Variants in SV2C observed in about 807,000 individuals in gnomAD.
SV2C encodes the protein solute carrier family 22 member B3.
In SV2C, 49 loss-of-function variants were observed where a neutral mutation model predicts 79.7. The ratio of observed to expected loss-of-function variants is 0.61; its 90% CI spans 0.49 to 0.78. SV2C has a LOEUF of 0.78. Among genes scored for constraint, SV2C ranks in the 30% least tolerant of loss-of-function variants. The pLI is 0.00. For synonymous variants in SV2C, 334 were observed against 333.2 expected (o/e 1.00, Z -0.03); for missense variants, 833 against 912.9 (o/e 0.91, Z 1.13).
chr5:76,162,382 G>T (rs1012051765), intron 2 of SV2C, among the ~76,000 whole-genome samples: 1 of 152,116 alleles, frequency 6.6e-6, no homozygotes, highest in African/African-American at 2.4e-5. Flanking sequence ...TAATTGTCAC[G>T]GCACCCACAG....
At chr5:75,998,819 C>T in the SV2C span, among the ~76,000 whole-genome samples, 2 of 152,070 alleles carry the variant, frequency 1.3e-5, no homozygotes, top group African/African-American at 4.8e-5. Flanking sequence ...TTTGTCTTTC[C>T]TTCTATCTCT....
At chr5:76,251,601 A>T (rs1387933505) in intron 4 of SV2C, among the ~76,000 whole-genome samples, 1 of 152,078 alleles carries the variant, frequency 6.6e-6, no homozygotes, top group Admixed American at 6.5e-5. Flanking sequence ...GCCAGGTCTC[A>T]CCCCACCATT....
chr5:75,877,029 A>G, the SV2C span, among the ~76,000 whole-genome samples: 1 of 152,228 alleles, frequency 6.6e-6, no homozygotes, highest in African/African-American at 2.4e-5. Flanking sequence ...AACATGATCC[A>G]ACTCTATGCT....
the SV2C span, among the ~76,000 whole-genome samples, chr5:76,023,684 G>A: frequency 3.4e-5 from 5 of 148,852 alleles, no homozygotes; most frequent in South Asian, 4.3e-4. Context: ...ATGTGTGTGT[G>A]TATATATATA....
In SV2C at chr5:76,232,662, G is replaced by T. The variant is rs970147707; in HGVS notation, c.913+22775G>T. 1.3e-3 allele frequency among the ~76,000 whole-genome samples: 198 copies of T among 147,332 alleles called. 2 individuals carry two copies. Among genetic ancestry groups the T allele is most frequent in the African/African-American group, 5.1e-3 (190 of 37,186 alleles). On this transcript the variant is annotated intron_variant, in intron 4 of 12. Coordinates refer to ENST00000502798, the MANE Select transcript of SV2C (RefSeq NM_014979.4). Reference sequence around the variant, plus strand: ...AGTTTCAGCTTTCTACATATGGCTAGCCAGTTTTCCCAGCACCATTTATTA... The same window carrying T: ...AGTTTCAGCTTTCTACATATGGCTATCCAGTTTTCCCAGCACCATTTATTA...
intron 1 of SV2C, among the ~76,000 whole-genome samples, chr5:76,111,961 A>G (rs1748110570): frequency 6.6e-6 from 1 of 152,190 alleles, no homozygotes; most frequent in South Asian, 2.1e-4. Flanking sequence ...TCCTTTCTTA[A>G]AAGGTCACAA....
At chr5:76,010,005 T>G in the SV2C span, among the ~76,000 whole-genome samples, 29 of 149,016 alleles carry the variant, frequency 1.9e-4, no homozygotes, top group African/African-American at 6.9e-4. Flanking sequence ...TTTTTTTTTT[T>G]TTTTTTTTGT....
chr5:75,877,941 A>AAC, the SV2C span, among the ~76,000 whole-genome samples: 6 of 112,854 alleles, frequency 5.3e-5, no homozygotes, highest in African/African-American at 3.5e-4. Flanking sequence ...GGAGTGATAG[A>AAC]AAAAAAAAAA....
chr5:75,920,938 C>T, the SV2C span: 1 of 729,260 alleles, frequency 1.4e-6, no homozygotes, highest in Admixed American at 1.9e-5. Flanking sequence ...TGGCAAAGCT[C>T]TTGGTGATGA....
chr5:76,038,119 C>G, the SV2C span, among the ~76,000 whole-genome samples: 1 of 152,348 alleles, frequency 6.6e-6, no homozygotes, highest in Admixed American at 6.5e-5. Flanking sequence ...GGTGCGTGCA[C>G]CCACTGACCT....
intron 2 of SV2C, among the ~76,000 whole-genome samples, chr5:76,136,997 G>C (rs1749092063): frequency 6.6e-6 from 1 of 152,184 alleles, no homozygotes; most frequent in Non-Finnish European, 1.5e-5. Flanking sequence ...GCAGTGTGGA[G>C]AGAGAATGAG....
At chr5:76,238,116 AT>A (rs1454326252) in intron 4 of SV2C, among the ~76,000 whole-genome samples, 2 of 151,632 alleles carry the variant, frequency 1.3e-5, no homozygotes, top group Non-Finnish European at 2.9e-5. Flanking sequence ...ACTTTCTGGA[AT>A]GTCCGTCTAA....
chr5:76,317,443 A>ACCC (rs1561314526), intron 12 of SV2C, among the ~76,000 whole-genome samples: 76 of 142,698 alleles, frequency 5.3e-4, no homozygotes, highest in African/African-American at 1.9e-3. Flanking sequence ...ACCCCCCCCA[A>ACCC]CACACACACA....
At chr5:75,882,595 G>A in the SV2C span, among the ~76,000 whole-genome samples, 2 of 151,864 alleles carry the variant, frequency 1.3e-5, no homozygotes, top group Admixed American at 6.6e-5. Flanking sequence ...AAATAACACC[G>A]CATATCTACA....
the SV2C span, among the ~76,000 whole-genome samples, chr5:75,943,146 G>A: frequency 6.6e-6 from 1 of 152,210 alleles, no homozygotes; most frequent in African/African-American, 2.4e-5. Flanking sequence ...TAAAGTGAAA[G>A]ATAACAAAGA....
the SV2C span, among the ~76,000 whole-genome samples, chr5:76,030,263 C>CTTGGG: frequency 8.5e-5 from 5 of 58,610 alleles, no homozygotes; most frequent in African/African-American, 6.3e-4. Flanking sequence ...TGGTCAGAGG[C>CTTGGG]TTGTTTTTTT....
chr5:75,940,573 C>G, the SV2C span, among the ~76,000 whole-genome samples: 1 of 152,244 alleles, frequency 6.6e-6, no homozygotes, highest in East Asian at 1.9e-4. Flanking sequence ...ACTCTAATAT[C>G]CTGTAGACAG....
intron 1 of SV2C, among the ~76,000 whole-genome samples, chr5:76,118,081 A>G (rs1748337658): frequency 6.6e-6 from 1 of 152,242 alleles, no homozygotes; most frequent in South Asian, 2.1e-4. Context: ...GACTTAAAAT[A>G]TAGAAATTTA....
At position 76,131,966 on chromosome 5, in the gene SV2C, C is replaced by G. The variant is rs760204358; in HGVS notation, c.216C>G (p.Asp72Glu). ...CCTATAATGGTGAGGCCAACGATGACGAAGGCTCAAGTGAAGCCACTGAGG... is the reference window on the plus strand; with the variant it reads ...CCTATAATGGTGAGGCCAACGATGAGGAAGGCTCAAGTGAAGCCACTGAGG... ...GETYNGEANDDEGSSEATEGH... is the reference protein window; with the variant it reads ...GETYNGEANDEEGSSEATEGH... Residue 72 changes from aspartate to glutamate, a missense_variant, in exon 2 of 13, where the codon GAC becomes GAG. Coordinates refer to ENST00000502798, the MANE Select transcript of SV2C (RefSeq NM_014979.4). 1.2e-6 allele frequency: 2 copies of G among 1,613,682 alleles called. No individual in the cohort carries two copies. The highest frequency in any genetic ancestry group is 1.7e-6 in the Non-Finnish European group (2 of 1,179,894).
Sources: allele counts gnomAD v4.1 joint callset (sites outside exome capture counted in the v4.1 genomes callset), GRCh38; gene constraint gnomAD v4.1.1; transcripts MANE v1.5; gene names NCBI Gene and HGNC (gene_info 2026-07-23, HGNC 2026-07-21).